Variants in GFRAL observed in about 807,000 individuals in gnomAD.
The protein encoded by GFRAL is GDNF family receptor alpha like.
In GFRAL, 36 loss-of-function variants were observed where a neutral mutation model predicts 45.4. The ratio of observed to expected loss-of-function variants is 0.79; its 90% CI spans 0.61 to 1.05. GFRAL has a LOEUF of 1.05. GFRAL is among the 50% of genes least tolerant of loss of function. The pLI is 0.00. For synonymous variants in GFRAL, 166 were observed against 154.1 expected, an observed-to-expected ratio of 1.08 and a Z score of -0.57; for missense variants, 507 against 467.5, an observed-to-expected ratio of 1.08 and a Z score of -0.78.
chr6:55,381,090 C>G (rs905275), intron 6 of GFRAL, among the ~76,000 whole-genome samples: 106,962 of 151,772 alleles, frequency 0.7, 38,229 homozygotes, highest in African/African-American at 0.83. Context: ...GTTGATCCTT[C>G]AGTGGTGTCA....
At chr6:55,387,397 G>A (rs1224038286) in intron 6 of GFRAL, among the ~76,000 whole-genome samples, 7 of 152,218 alleles carry the variant, frequency 4.6e-5, no homozygotes, top group Admixed American at 1.3e-4. Flanking sequence ...TCTTTGCATC[G>A]TGATTGTGTA....
chr6:55,339,136 G>T (rs960430850), intron 3 of GFRAL, among the ~76,000 whole-genome samples: 2 of 152,110 alleles, frequency 1.3e-5, no homozygotes, highest in African/African-American at 4.8e-5. Flanking sequence ...ATAGGAATTG[G>T]TGACCAGTTG....
chr6:55,399,056 C>A, intron 6 of GFRAL, 124 bp from the exon 7 acceptor site: 2 of 517,106 alleles, frequency 3.9e-6, no homozygotes, highest in East Asian at 3.2e-5. Flanking sequence ...TTATTCAAAT[C>A]TATCAGATTA....
chr6:55,351,312 T>C lies in GFRAL; in HGVS notation c.430T>C (p.Cys144Arg), dbSNP rs1269724966. The change falls in exon 5 of 9, where the codon TGT (cysteine) becomes CGT (arginine). Residue 144 changes from cysteine (C) to arginine (R), a missense_variant. Coordinates refer to ENST00000340465, the MANE Select transcript of GFRAL (RefSeq NM_207410.2). Reference sequence around the variant, plus strand: ...AGAGGCATGTGTAGGGGATGTGGTCTGTAATGCACAGTTGGCCTCTTACCT... The same window carrying C: ...AGAGGCATGTGTAGGGGATGTGGTCCGTAATGCACAGTTGGCCTCTTACCT... ...VAEACVGDVV[C>R]NAQLASYLKA... The C allele has an allele frequency of 6.2e-6, 10 of 1,613,172 alleles. No individual in the cohort carries two copies. Among genetic ancestry groups the C allele is most frequent in the Non-Finnish European group, 6.8e-6 (8 of 1,179,448 alleles).
chr6:55,391,587 A>G (rs1439021431), intron 6 of GFRAL, among the ~76,000 whole-genome samples: 1 of 152,138 alleles, frequency 6.6e-6, no homozygotes, highest in Admixed American at 6.5e-5. Flanking sequence ...CCTTGTCTCT[A>G]GAAAAAATAA....
At chr6:55,382,036 A>G (rs1768616167) in intron 6 of GFRAL, among the ~76,000 whole-genome samples, 2 of 151,908 alleles carry the variant, frequency 1.3e-5, no homozygotes, top group Non-Finnish European at 2.9e-5. Context: ...ATTCAAGTCT[A>G]GTTTCCTTCA....
At chr6:55,358,859 C>G in intron 5 of GFRAL, 29 bp from the exon 6 acceptor site, 1 of 1,602,226 alleles carries the variant, frequency 6.2e-7, no homozygotes, top group Non-Finnish European at 8.5e-7. Flanking sequence ...CTATTCAAAA[C>G]TAATTATTTT....
intron 6 of GFRAL, among the ~76,000 whole-genome samples, chr6:55,391,895 T>A (rs113809513): frequency 1.6e-4 from 24 of 152,326 alleles, no homozygotes; most frequent in African/African-American, 5.8e-4. Context: ...AAATCTCTGT[T>A]TTAAATATAT....
At chr6:55,343,896 G>C (rs1768004252) in intron 3 of GFRAL, among the ~76,000 whole-genome samples, 1 of 152,104 alleles carries the variant, frequency 6.6e-6, no homozygotes, top group Non-Finnish European at 1.5e-5. Flanking sequence ...GCTACCATCA[G>C]AGAATAAACA....
At chr6:55,333,579 T>C (rs1281262202) in intron 2 of GFRAL, among the ~76,000 whole-genome samples, 1 of 152,160 alleles carries the variant, frequency 6.6e-6, no homozygotes, top group Non-Finnish European at 1.5e-5. Flanking sequence ...CAGAAAGTTT[T>C]AATATAGAAA....
At chr6:55,400,500 A>G (rs2127368135) in intron 8 of GFRAL, among the ~76,000 whole-genome samples, 1 of 152,324 alleles carries the variant, frequency 6.6e-6, no homozygotes, top group African/African-American at 2.4e-5. Flanking sequence ...GAGAAGGTGT[A>G]CGGTGATACC....
At chr6:55,390,334 G>T (rs1410389745) in intron 6 of GFRAL, among the ~76,000 whole-genome samples, 1 of 152,124 alleles carries the variant, frequency 6.6e-6, no homozygotes, top group Non-Finnish European at 1.5e-5. Flanking sequence ...AATTTCAGTG[G>T]CATACAAAAA....
At position 55,347,574 on chromosome 6, in the gene GFRAL, A is replaced by G. The variant is rs1190389962; in HGVS notation, c.317-2518A>G. Reference sequence around the variant, plus strand: ...AAAGAGGGAGGCACAACCCGACAGCATAAAATTCAAAGAAGGAGAAATGTT... The same window carrying G: ...AAAGAGGGAGGCACAACCCGACAGCGTAAAATTCAAAGAAGGAGAAATGTT... On this transcript the variant is annotated intron_variant, in intron 3 of 8. Transcript: ENST00000340465. Among the ~76,000 whole-genome samples the G allele has an allele frequency of 2.0e-5, 3 of 152,302 alleles. No homozygotes were observed. The East Asian group carries it at 5.8e-4, about 29-fold the overall frequency.
At chr6:55,398,990 A>G (rs948189687) in intron 6 of GFRAL, among the ~76,000 whole-genome samples, 190 bp from the exon 7 acceptor site, 18 of 152,130 alleles carry the variant, frequency 1.2e-4, no homozygotes, top group Non-Finnish European at 2.4e-4. Flanking sequence ...CACGGAAATT[A>G]CCTGATTAAA....
chr6:55,362,640 G>T (rs1343799691), intron 6 of GFRAL, among the ~76,000 whole-genome samples: 1 of 151,954 alleles, frequency 6.6e-6, no homozygotes, highest in Non-Finnish European at 1.5e-5. Context: ...CATCAACACG[G>T]GAAGGATTAA....
intron 6 of GFRAL, among the ~76,000 whole-genome samples, chr6:55,377,720 C>T (rs1418401870): frequency 6.6e-6 from 1 of 152,004 alleles, no homozygotes; most frequent in African/African-American, 2.4e-5. Context: ...TAATCTGTCT[C>T]CCTAAAACTA....
rs138513770 is a variant in GFRAL at position 55,373,680 on chromosome 6, A to G, written c.952+14542A>G. Among the ~76,000 whole-genome samples the G allele has an allele frequency of 3.4e-3, 521 of 152,240 alleles. 4 individuals carry two copies. Among genetic ancestry groups the G allele is most frequent in the African/African-American group, 0.012 (481 of 41,540 alleles). On this transcript the variant is annotated intron_variant, in intron 6 of 8. Transcript: ENST00000340465. The stretch of plus-strand genomic sequence containing the variant: ...AATCTGAGATTTGCTCCATCATTGA[A>G]TCAATTTATTTAACTTAGAAATACT...
chr6:55,390,466 C>T (rs1768733833), intron 6 of GFRAL, among the ~76,000 whole-genome samples: 1 of 152,146 alleles, frequency 6.6e-6, no homozygotes, highest in African/African-American at 2.4e-5. Context: ...AAGATAAAAA[C>T]AAGCAACAAG....
At position 55,359,107 on chromosome 6, in the gene GFRAL, C is replaced by T. The variant is rs758045081; in HGVS notation, c.921C>T (p.Phe307=). 5 of 1,612,142 alleles carry T rather than the reference C, an allele frequency of 3.1e-6. No individual in the cohort carries two copies. The Admixed American group carries it at 8.4e-5, about 27-fold the overall frequency. Residue 307 remains phenylalanine, a synonymous_variant, in exon 6 of 9, where the codon TTC becomes TTT. Coordinates refer to ENST00000340465, the MANE Select transcript of GFRAL (RefSeq NM_207410.2). ...TQSEESLCKI[F]QHMLHRKSCF... ...GTGAGGAATCTTTGTGTAAGATTTT[C>T]CAGCACATGCTTCATAGAAAATCAT...
Sources: allele counts gnomAD v4.1 joint callset (sites outside exome capture counted in the v4.1 genomes callset), GRCh38; gene constraint gnomAD v4.1.1; transcripts MANE v1.5; gene names NCBI Gene and HGNC (gene_info 2026-07-23, HGNC 2026-07-21).